Variants in ALK observed in about 807,000 individuals in gnomAD.
The protein encoded by ALK is ALK receptor tyrosine kinase.
In ALK, 74 loss-of-function variants were observed where a neutral mutation model predicts 163.1. The ratio of observed to expected loss-of-function variants is 0.45; its 90% confidence interval spans 0.38 to 0.55. The LOEUF (loss-of-function observed/expected upper bound fraction) is 0.55. ALK is among the 20% of genes least tolerant of loss of function. The probability of loss-of-function intolerance (pLI) is 0.00; values close to 1 mark genes in which losing one functional copy is unlikely to be tolerated. For synonymous variants in ALK, 960 were observed against 843.2 expected (o/e 1.14, Z -2.40); for missense variants, 2,063 against 2,105.3 (o/e 0.98, Z 0.39).
chr2:29,371,170 T>C (rs184758825), intron 5 of ALK, among the ~76,000 whole-genome samples: 5 of 152,208 alleles, frequency 3.3e-5, no homozygotes, highest in African/African-American at 1.2e-4. Flanking sequence ...AGCAACTGTC[T>C]GCCAATGTTT....
chr2:29,794,943 C>T (rs1306050500), intron 1 of ALK, among the ~76,000 whole-genome samples: 4 of 151,982 alleles, frequency 2.6e-5, no homozygotes, highest in African/African-American at 9.7e-5. Flanking sequence ...AGAGTCACCA[C>T]AAAACTTCAA....
chr2:29,774,840 A>C (rs1365002313), intron 1 of ALK, among the ~76,000 whole-genome samples: 2 of 152,210 alleles, frequency 1.3e-5, no homozygotes, highest in African/African-American at 4.8e-5. Context: ...TGACGTAACT[A>C]CTTCCAAGAA....
chr2:29,816,011 G>T (rs1664888221), intron 1 of ALK, among the ~76,000 whole-genome samples: 1 of 152,252 alleles, frequency 6.6e-6, no homozygotes. Flanking sequence ...AACGGCATTT[G>T]TGTGTCTGGA....
chr2:29,422,371 G>A (rs1488927443), intron 4 of ALK, among the ~76,000 whole-genome samples: 1 of 151,214 alleles, frequency 6.6e-6, no homozygotes, highest in Non-Finnish European at 1.5e-5. Context: ...GTACCTAATT[G>A]GTGGGGTTCT....
chr2:29,629,985 C>G (rs559092070), intron 3 of ALK, among the ~76,000 whole-genome samples: 6 of 152,300 alleles, frequency 3.9e-5, no homozygotes, highest in African/African-American at 1.4e-4. Flanking sequence ...TTTTCCTCCC[C>G]ACCCCTGCCC....
At chr2:29,678,597 G>C (rs924480678) in intron 3 of ALK, among the ~76,000 whole-genome samples, 2 of 151,108 alleles carry the variant, frequency 1.3e-5, no homozygotes, top group Non-Finnish European at 3.0e-5. Context: ...AATAGTCAGG[G>C]ATTTCTGAGA....
intron 5 of ALK, among the ~76,000 whole-genome samples, chr2:29,364,829 T>C (rs1033009658): frequency 6.6e-6 from 1 of 152,232 alleles, no homozygotes; most frequent in African/African-American, 2.4e-5. Context: ...TTGAGCATTG[T>C]ACCATCATGT....
At position 29,797,725 on chromosome 2, in the gene ALK, T is replaced by C. The variant is rs180914840; in HGVS notation, c.668-80028A>G. ...TTTTAAATCTCCTTAAATCAGGGAC[T>C]CTTTCCTACTCATCTCCATATCCAT... On this transcript the variant is annotated intron_variant, in intron 1 of 28. Coordinates refer to ENST00000389048, the MANE Select transcript of ALK (RefSeq NM_004304.5). Among the ~76,000 whole-genome samples, 4 of 152,362 alleles carry C rather than the reference T, an allele frequency of 2.6e-5. No individual in the cohort carries two copies. In the East Asian group the frequency reaches 5.8e-4, roughly 22 times the overall value.
intron 3 of ALK, among the ~76,000 whole-genome samples, chr2:29,534,471 C>A (rs1673202170): frequency 6.6e-6 from 1 of 151,990 alleles, no homozygotes; most frequent in African/African-American, 2.4e-5. Context: ...GGGGTATGGC[C>A]TGGGGTTAGG....
At chr2:29,868,355 G>C (rs1057472974) in intron 1 of ALK, among the ~76,000 whole-genome samples, 2 of 152,182 alleles carry the variant, frequency 1.3e-5, no homozygotes, top group African/African-American at 4.8e-5. Flanking sequence ...GAACAGAACA[G>C]ACAAAGATTC....
In ALK at chr2:29,227,777, C is replaced by T. The variant is rs573805523; in HGVS notation, c.2816-105G>A. On this transcript the variant is annotated intron_variant, in intron 16 of 28. Transcript: ENST00000389048. The surrounding 1 kb of genome is among the most constrained non-coding windows in gnomAD (Gnocchi z 4.4). The stretch of plus-strand genomic sequence containing the variant: ...GCAGCTCTGGCCAAAGTTAGGGGGT[C>T]ACTGGGGACCTCAGGGGCAGGGATG... The T allele has an allele frequency of 5.6e-5, 48 of 852,074 alleles. No individual in the cohort carries two copies. Among genetic ancestry groups the T allele is most frequent in the Non-Finnish European group, 7.4e-5 (37 of 503,030 alleles). 52.8% of individuals were successfully genotyped at this position (852,074 alleles called of 1,614,324 possible). A position where few individuals can be genotyped will look rare whatever the true frequency, so the allele number is the denominator to read the frequency against.
intron 4 of ALK, among the ~76,000 whole-genome samples, chr2:29,410,458 G>GTGTAAAA (rs1274630303): frequency 6.6e-6 from 1 of 152,278 alleles, no homozygotes; most frequent in South Asian, 2.1e-4. Context: ...CTCCCTAAAT[G>GTGTAAAA]TGTAAAATGG....
chr2:29,613,307 C>A (rs1379052603), intron 3 of ALK, among the ~76,000 whole-genome samples: 4 of 152,224 alleles, frequency 2.6e-5, no homozygotes, highest in African/African-American at 9.6e-5. Context: ...TCATTCTCTT[C>A]TCCTTTTAAT....
chr2:29,398,676 A>G (rs1162425764), intron 4 of ALK, among the ~76,000 whole-genome samples: 1 of 152,172 alleles, frequency 6.6e-6, no homozygotes, highest in Non-Finnish European at 1.5e-5. Context: ...GGAGCTGGGC[A>G]GGAGAGCAGG....
intron 1 of ALK, among the ~76,000 whole-genome samples, chr2:29,794,382 G>A (rs181125106): frequency 1.3e-5 from 2 of 152,116 alleles, no homozygotes; most frequent in East Asian, 3.9e-4. Flanking sequence ...CAGCAATAAG[G>A]CTGTTTTGCT....
At chr2:29,232,552 G>A (rs1444617287) in intron 14 of ALK, 104 bp from the exon 15 acceptor site, 2 of 1,450,988 alleles carry the variant, frequency 1.4e-6, no homozygotes, top group African/African-American at 2.8e-5. Context: ...GCTGTTTTGG[G>A]GTGACCTGGT....
intron 3 of ALK, among the ~76,000 whole-genome samples, chr2:29,683,947 G>A (rs771044968): frequency 1.3e-5 from 2 of 152,166 alleles, no homozygotes; most frequent in Non-Finnish European, 2.9e-5. Context: ...AGCCACAGAG[G>A]TAAAATGACC....
intron 11 of ALK, among the ~76,000 whole-genome samples, chr2:29,274,787 C>T (rs769749957): frequency 3.9e-5 from 6 of 152,244 alleles, no homozygotes; most frequent in Admixed American, 6.5e-5. Flanking sequence ...TTCAGTAAGG[C>T]GGCAGTGAAT....
chr2:29,863,144 C>G (rs192101175), intron 1 of ALK, among the ~76,000 whole-genome samples: 1 of 152,264 alleles, frequency 6.6e-6, no homozygotes, highest in Non-Finnish European at 1.5e-5. Context: ...AATGTAAGAC[C>G]TGAAACTGTA....
Sources: allele counts gnomAD v4.1 joint callset (sites outside exome capture counted in the v4.1 genomes callset), GRCh38; gene constraint gnomAD v4.1.1; non-coding constraint Gnocchi (gnomAD v3.1); transcripts MANE v1.5; gene names NCBI Gene and HGNC (gene_info 2026-07-23, HGNC 2026-07-21).